DMD: variants seen among roughly 807,000 people sequenced by gnomAD.
DMD encodes the protein mutant dystrophin.
In DMD, 63 loss-of-function variants were observed where a neutral mutation model predicts 330.1. That is an observed-to-expected ratio of 0.19 (90% CI 0.16 to 0.24). DMD has a LOEUF of 0.24. Among genes scored for constraint, DMD ranks in the 10% least tolerant of loss-of-function variants. The pLI, the probability that DMD is intolerant of heterozygous loss-of-function variation, is 1.00. For synonymous variants in DMD, 1,223 were observed against 959.8 expected, an observed-to-expected ratio of 1.27 and a Z score of -5.07; for missense variants, 3,344 against 2,684.1, an observed-to-expected ratio of 1.25 and a Z score of -5.43.
At chrX:31,350,485 G>A (rs953262691) in intron 60 of DMD, among the ~76,000 whole-genome samples, 3 of 111,415 alleles carry the variant, frequency 2.7e-5, no homozygotes, top group Non-Finnish European at 3.8e-5. Context: ...CTTTCTCTTC[G>A]AATGTCTCCA....
At chrX:32,928,386 G>C (rs1267617485) in intron 2 of DMD, among the ~76,000 whole-genome samples, 2 of 110,410 alleles carry the variant, frequency 1.8e-5, no homozygotes, top group East Asian at 5.7e-4. Context: ...TAAGAAAGCT[G>C]TTGTTTATAT....
intron 37 of DMD, among the ~76,000 whole-genome samples, chrX:32,357,140 C>T (rs755036498): frequency 3.8e-4 from 43 of 111,970 alleles, no homozygotes; most frequent in Non-Finnish European, 6.8e-4. Context: ...CTGCCTGCAG[C>T]GGCCTCCCAA....
intron 12 of DMD, among the ~76,000 whole-genome samples, chrX:32,601,184 T>G (rs552352741): frequency 5.4e-5 from 6 of 111,622 alleles, no homozygotes; most frequent in Non-Finnish European, 1.1e-4. Context: ...ATATTCACTT[T>G]GCTAAGCCTG....
intron 74 of DMD, among the ~76,000 whole-genome samples, chrX:31,168,692 A>G (rs1376380887): frequency 8.9e-6 from 1 of 111,915 alleles, no homozygotes; most frequent in African/African-American, 3.3e-5. Flanking sequence ...CTGTCTGAAG[A>G]AGGCACATTG....
At chrX:32,882,646 A>G (rs1205931321) in intron 2 of DMD, among the ~76,000 whole-genome samples, 4 of 112,448 alleles carry the variant, frequency 3.6e-5, no homozygotes, top group Non-Finnish European at 7.5e-5. Flanking sequence ...CCATATGTGC[A>G]TTCTTTCTGT....
intron 44 of DMD, among the ~76,000 whole-genome samples, chrX:31,994,231 G>T (rs1482852014): frequency 1.8e-5 from 2 of 111,750 alleles, no homozygotes; most frequent in Non-Finnish European, 3.8e-5. Flanking sequence ...GGATAAGTTA[G>T]ACAATTAAAG....
chrX:32,818,629 T>A lies in DMD; in HGVS notation c.358-1989A>T, dbSNP rs1055300443. Among the ~76,000 whole-genome samples, 161 of 111,951 alleles carry A rather than the reference T, an allele frequency of 1.4e-3. 1 individual carries two copies. The highest frequency in any genetic ancestry group is 5.0e-3 in the African/African-American group (155 of 30,771). The stretch of plus-strand genomic sequence containing the variant: ...TGAAATGTCTTTGAGCAGTGATTTT[T>A]AAAAATGACTAGGAGTTAACTGGGC... On this transcript the variant is annotated intron_variant, in intron 5 of 78. Coordinates refer to ENST00000357033, the MANE Select transcript of DMD (RefSeq NM_004006.3).
At chrX:32,017,799 A>G (rs1359153598) in intron 44 of DMD, among the ~76,000 whole-genome samples, 2 of 112,097 alleles carry the variant, frequency 1.8e-5, no homozygotes, top group Non-Finnish European at 3.8e-5. Flanking sequence ...AGGTAGAAGT[A>G]GAAAGAACAT....
At chrX:32,264,386 A>C (rs1319693785) in intron 43 of DMD, among the ~76,000 whole-genome samples, 2 of 112,010 alleles carry the variant, frequency 1.8e-5, no homozygotes, top group Admixed American at 1.9e-4. Flanking sequence ...GCATGAGAAC[A>C]GACTAATACA....
At chrX:31,688,977 G>C (rs1288229497) in intron 52 of DMD, among the ~76,000 whole-genome samples, 1 of 111,445 alleles carries the variant, frequency 9.0e-6, no homozygotes, top group Non-Finnish European at 1.9e-5. Flanking sequence ...TCTCAAAATA[G>C]TAAGAGCTAT....
intron 74 of DMD, among the ~76,000 whole-genome samples, chrX:31,164,050 T>G (rs892414089): frequency 4.5e-5 from 5 of 111,928 alleles, no homozygotes; most frequent in African/African-American, 1.6e-4. Context: ...TATATGTCTT[T>G]TTGAACCCTT....
Position 32,770,479 on chromosome X carries a change from T to C in DMD, c.649+39014A>G, listed in dbSNP as rs772205526. On this transcript the variant is annotated intron_variant, in intron 7 of 78. Transcript: ENST00000357033. ...AATGTTTACGTGTTCTTGGAGTTCC[T>C]TTTCTATGCTTGATGATCAATTGAT... Among the ~76,000 whole-genome samples the C allele has an allele frequency of 1.6e-3, 181 of 111,979 alleles. 1 individual carries two copies. Among genetic ancestry groups the C allele is most frequent in the Non-Finnish European group, 1.3e-3 (70 of 53,200 alleles).
intron 22 of DMD, among the ~76,000 whole-genome samples, chrX:32,470,728 G>A (rs1347338961): frequency 9.0e-6 from 1 of 110,958 alleles, no homozygotes; most frequent in East Asian, 2.8e-4. Context: ...GCTACCATTT[G>A]GTATTGTAGT....
At chrX:33,325,627 C>A (rs1465599408) in intron 1 of DMD, among the ~76,000 whole-genome samples, 2 of 112,007 alleles carry the variant, frequency 1.8e-5, no homozygotes, top group African/African-American at 6.5e-5. Context: ...TATTCGCCAA[C>A]CCCAAATCCT....
intron 17 of DMD, among the ~76,000 whole-genome samples, chrX:32,522,193 C>G (rs2148827807): frequency 8.9e-6 from 1 of 112,057 alleles, no homozygotes; most frequent in East Asian, 2.8e-4. Context: ...CATACATTCT[C>G]TGTCTCCTGA....
intron 60 of DMD, among the ~76,000 whole-genome samples, chrX:31,399,437 G>C (rs746525186): frequency 1.2e-5 from 1 of 81,350 alleles, no homozygotes; most frequent in Non-Finnish European, 2.3e-5. Flanking sequence ...GGCACAGGTT[G>C]GGGGGTGGGT....
intron 7 of DMD, among the ~76,000 whole-genome samples, chrX:32,792,419 C>G (rs1603424568): frequency 9.0e-6 from 1 of 111,658 alleles, no homozygotes; most frequent in East Asian, 2.8e-4. Flanking sequence ...AAAAAATATT[C>G]AAAACAACCA....
chrX:31,943,614 A>C (rs1166147994), intron 45 of DMD, among the ~76,000 whole-genome samples: 2 of 110,969 alleles, frequency 1.8e-5, no homozygotes, highest in Non-Finnish European at 3.8e-5. Flanking sequence ...TTCCTAACCC[A>C]CAACCAACTT....
chrX:32,819,916 T>A lies in DMD; in HGVS notation c.358-3276A>T, dbSNP rs186843784. 4.8e-3 allele frequency among the ~76,000 whole-genome samples: 516 copies of A among 108,569 alleles called. 4 individuals carry two copies. The highest frequency in any genetic ancestry group is 7.7e-3 in the Non-Finnish European group (405 of 52,443). 94.3% of individuals were successfully genotyped at this position (108,569 alleles called of 115,157 possible). ...GGATTATGATGAACACTGAGCAAGA[T>A]AATTTTTCAAAGTGTGCTTAATAGT... On this transcript the variant is annotated intron_variant, in intron 5 of 78. Transcript: ENST00000357033.
Sources: gnomAD v4.1 joint callset for allele counts (sites outside exome capture counted in the v4.1 genomes callset) on GRCh38, gnomAD v4.1.1 for gene constraint, MANE v1.5 for transcripts, NCBI Gene and HGNC (gene_info 2026-07-23, HGNC 2026-07-21) for gene names.